The following GAD2 variants were observed in gnomAD, a reference collection of about 807,000 sequenced individuals.
GAD2 encodes 65 kDa glutamic acid decarboxylase.
GAD2 carries 22 observed loss-of-function variants against 80.1 expected under a neutral mutation model. The observed-to-expected ratio is 0.27, with a 90% CI of 0.20 to 0.39. The LOEUF (loss-of-function observed/expected upper bound fraction) is 0.39. GAD2 is among the 10% of genes least tolerant of loss of function. The pLI is 1.00. For missense variants in GAD2, 624 were observed against 738.4 expected, an observed-to-expected ratio of 0.85 and a Z score of 1.80; for synonymous variants, 274 against 256.9, an observed-to-expected ratio of 1.07 and a Z score of -0.64.
chr10:26,241,134 A>ATACAAAATATAGATATACAAACAT (rs1844737382), intron 7 of GAD2, among the ~76,000 whole-genome samples: 1 of 152,210 alleles, frequency 6.6e-6, no homozygotes, highest in East Asian at 1.9e-4. Context: ...TTTGGGCTTT[A>ATACAAAATATAGATATACAAACAT]ATATCTATTG....
chr10:26,265,466 T>C (rs1346901254), intron 8 of GAD2, among the ~76,000 whole-genome samples: 1 of 152,066 alleles, frequency 6.6e-6, no homozygotes, highest in Admixed American at 6.5e-5. Flanking sequence ...GCCTCCCAAA[T>C]TACTGGGATT....
At chr10:26,229,516 A>G in intron 6 of GAD2, 146 bp from the exon 7 acceptor site, 1 of 615,482 alleles carries the variant, frequency 1.6e-6, no homozygotes, top group South Asian at 2.0e-5. Flanking sequence ...AGCGCCTTTG[A>G]GTCTGAGGAT....
At chr10:26,271,847 C>T (rs1403914932) in intron 10 of GAD2, among the ~76,000 whole-genome samples, 1 of 152,154 alleles carries the variant, frequency 6.6e-6, no homozygotes, top group Non-Finnish European at 1.5e-5. Flanking sequence ...GCAACCTCCG[C>T]CTCCAGGGTT....
chr10:26,218,961 A>G, intron 3 of GAD2, 82 bp from the exon 4 acceptor site: 1 of 1,028,626 alleles, frequency 9.7e-7, no homozygotes, highest in Non-Finnish European at 1.4e-6. Flanking sequence ...CAATTCAAAG[A>G]AATGTTATTG....
chr10:26,232,331 A>G (rs1457246384), intron 7 of GAD2, among the ~76,000 whole-genome samples: 1 of 152,080 alleles, frequency 6.6e-6, no homozygotes, highest in Non-Finnish European at 1.5e-5. Context: ...TCTGCCAGGC[A>G]TCTCTGGTTT....
At chr10:26,264,875 A>G (rs1414735187) in intron 8 of GAD2, among the ~76,000 whole-genome samples, 1 of 152,208 alleles carries the variant, frequency 6.6e-6, no homozygotes, top group Non-Finnish European at 1.5e-5. Context: ...CTACTCACTT[A>G]GGAAAGGCTG....
intron 13 of GAD2, among the ~76,000 whole-genome samples, chr10:26,288,319 G>A (rs1834171741): frequency 6.6e-6 from 1 of 152,184 alleles, no homozygotes; most frequent in Non-Finnish European, 1.5e-5. Context: ...CTTTTTACAT[G>A]TTGCTAAATA....
intron 6 of GAD2, among the ~76,000 whole-genome samples, chr10:26,226,475 G>T (rs1844524515): frequency 6.6e-6 from 1 of 152,174 alleles, no homozygotes; most frequent in Non-Finnish European, 1.5e-5. Context: ...TTGCAAAGTT[G>T]GGAGGAGACA....
At chr10:26,242,399 G>C (rs1227783757) in intron 7 of GAD2, among the ~76,000 whole-genome samples, 3 of 152,086 alleles carry the variant, frequency 2.0e-5, no homozygotes, top group Non-Finnish European at 2.9e-5. Context: ...CTTTTCCTCT[G>C]GTTCATCAAC....
At chr10:26,250,877 CTTTTTTTTT>C (rs1181428173) in intron 8 of GAD2, among the ~76,000 whole-genome samples, 1 of 112,952 alleles carries the variant, frequency 8.9e-6, no homozygotes, top group South Asian at 3.0e-4. Context: ...GTTTTTTTTC[CTTTTTTTTT>C]TTTTTTTTTT....
intron 7 of GAD2, among the ~76,000 whole-genome samples, chr10:26,238,005 G>GACACACACAC (rs58551669): frequency 1.4e-4 from 16 of 118,282 alleles, no homozygotes; most frequent in African/African-American, 4.5e-4. Flanking sequence ...CCATCACACA[G>GACACACACAC]ACACACACAC....
intron 6 of GAD2, among the ~76,000 whole-genome samples, chr10:26,228,434 T>A (rs1844556556): frequency 6.6e-6 from 1 of 152,230 alleles, no homozygotes; most frequent in Non-Finnish European, 1.5e-5. Flanking sequence ...ATTCTATTAT[T>A]TCAATGATGT....
intron 8 of GAD2, among the ~76,000 whole-genome samples, chr10:26,266,321 T>G (rs1036342002): frequency 6.6e-6 from 1 of 152,296 alleles, no homozygotes; most frequent in Admixed American, 6.5e-5. Flanking sequence ...AATGGGGCCA[T>G]GTATTTTAAA....
rs1217121505 is a variant in GAD2 at position 26,216,920 on chromosome 10, T to C, written c.76+35T>C. The C allele has an allele frequency of 2.5e-6, 4 of 1,574,816 alleles. No homozygotes were observed. The highest frequency in any genetic ancestry group is 3.5e-6 in the Non-Finnish European group (4 of 1,150,592). On this transcript the variant is annotated intron_variant, in intron 1 of 15. Transcript: ENST00000376261. The surrounding 1 kb of genome is among the most constrained non-coding windows in gnomAD (Gnocchi z 4.7). Reference sequence around the variant, plus strand: ...AGAACGGGGGCCTGCGGCGGGCGAGTTTTGCGGTGGTCTGGGGTTTGCGGA... The same window carrying C: ...AGAACGGGGGCCTGCGGCGGGCGAGCTTTGCGGTGGTCTGGGGTTTGCGGA...
At chr10:26,278,510 A>G (rs555105386) in intron 11 of GAD2, among the ~76,000 whole-genome samples, 8 of 152,322 alleles carry the variant, frequency 5.3e-5, no homozygotes, top group Admixed American at 3.3e-4. Context: ...CCAGGAAGTG[A>G]TGAAACCTGA....
intron 15 of GAD2, among the ~76,000 whole-genome samples, chr10:26,296,447 T>A (rs1236275601): frequency 1.3e-5 from 2 of 152,168 alleles, no homozygotes; most frequent in African/African-American, 4.8e-5. Context: ...GCAAATACAG[T>A]CATATCTTCA....
chr10:26,274,407 C>T (rs1167783023), intron 11 of GAD2, among the ~76,000 whole-genome samples: 2 of 152,230 alleles, frequency 1.3e-5, no homozygotes, highest in African/African-American at 2.4e-5. Flanking sequence ...AAAATACAGG[C>T]TCTGGTTCTG....
chr10:26,260,415 G>A (rs748495551), intron 8 of GAD2, among the ~76,000 whole-genome samples: 6 of 152,118 alleles, frequency 3.9e-5, no homozygotes, highest in Non-Finnish European at 7.4e-5. Flanking sequence ...GATCACCTGA[G>A]GTCAGGAGTT....
intron 7 of GAD2, among the ~76,000 whole-genome samples, chr10:26,236,893 C>G (rs1844678900): frequency 6.6e-6 from 1 of 152,188 alleles, no homozygotes; most frequent in Non-Finnish European, 1.5e-5. Flanking sequence ...TCTACCCAGT[C>G]CATCCAAACC....
Sources: gnomAD v4.1 joint callset for allele counts (sites outside exome capture counted in the v4.1 genomes callset) on GRCh38, gnomAD v4.1.1 for gene constraint, Gnocchi (gnomAD v3.1) non-coding constraint, MANE v1.5 for transcripts, NCBI Gene and HGNC (gene_info 2026-07-23, HGNC 2026-07-21) for gene names.